PSMC6: variants seen among roughly 807,000 people sequenced by gnomAD.
The protein encoded by PSMC6 is 26S proteasome regulatory subunit 10B.
Under a neutral mutation model 55.9 loss-of-function variants are expected in PSMC6, and 3 were observed. That is an observed-to-expected ratio of 0.05 (90% CI 0.02 to 0.14). The LOEUF is 0.14. Among genes scored for constraint, PSMC6 ranks in the 10% least tolerant of loss-of-function variants. The pLI is 1.00. For missense variants in PSMC6, 210 were observed against 478.7 expected (o/e 0.44, Z 5.24); for synonymous variants, 137 against 155.9 (o/e 0.88, Z 0.90).
At chr14:52,722,640 T>A (rs1880246935) in intron 12 of PSMC6, 1 of 152,142 alleles carries the variant, frequency 6.6e-6, no homozygotes, top group African/African-American at 2.4e-5. Context: ...CTTAGAGATT[T>A]GAGGACAAAG....
intron 5 of PSMC6, 94 bp from the exon 6 acceptor site, chr14:52,711,316 A>G: frequency 7.8e-7 from 1 of 1,287,334 alleles, no homozygotes; most frequent in East Asian, 2.3e-5. Flanking sequence ...GAGATCAGCT[A>G]CAGGTGCTTG....
chr14:52,715,131 TAAA>T (rs11411181), intron 7 of PSMC6, among the ~76,000 whole-genome samples: 2 of 146,574 alleles, frequency 1.4e-5, no homozygotes, highest in Admixed American at 6.8e-5. Flanking sequence ...ACTTGCAGTG[TAAA>T]AAAAAAAAAA....
chr14:52,722,390 TAA>T (rs1270270480), intron 12 of PSMC6: 4 of 150,784 alleles, frequency 2.7e-5, no homozygotes, highest in African/African-American at 9.8e-5. Context: ...TTTTTTTTTT[TAA>T]TAATGCTACT....
At position 52,711,551 on chromosome 14, in the gene PSMC6, A is replaced by C. The variant is rs370283421; in HGVS notation, c.441+27A>C. 1.4e-4 allele frequency: 205 copies of C among 1,459,250 alleles called. 2 individuals are homozygous for C. Among genetic ancestry groups the C allele is most frequent in the Non-Finnish European group, 1.9e-4 (196 of 1,055,272 alleles). 90.4% of individuals were successfully genotyped at this position (1,459,250 alleles called of 1,614,324 possible). On this transcript the variant is annotated intron_variant, in intron 6 of 13. Coordinates refer to ENST00000445930, the MANE Select transcript of PSMC6 (RefSeq NM_002806.5). ...TTGGTACTGTGTGCCTTGTTCTCTGAACTTAGCTAATAAATACTACTAGTT... is the reference window on the plus strand; with the variant it reads ...TTGGTACTGTGTGCCTTGTTCTCTGCACTTAGCTAATAAATACTACTAGTT...
At chr14:52,707,993 G>A (rs1386182423) in intron 1 of PSMC6, among the ~76,000 whole-genome samples, 2 of 152,198 alleles carry the variant, frequency 1.3e-5, no homozygotes, top group Non-Finnish European at 2.9e-5. Flanking sequence ...GGGTCTAAGT[G>A]ATTATCATTC....
intron 12 of PSMC6, chr14:52,722,887 C>G (rs1265870855): frequency 6.6e-6 from 1 of 152,196 alleles, no homozygotes; most frequent in Non-Finnish European, 1.5e-5. Context: ...AGTATTTACT[C>G]TCTGGCCCTT....
Position 52,727,488 on chromosome 14 carries a change from A to G in PSMC6, c.1052-11A>G. On this transcript the variant is annotated splice_polypyrimidine_tract_variant and intron_variant, in intron 13 of 13. Coordinates refer to ENST00000445930, the MANE Select transcript of PSMC6 (RefSeq NM_002806.5). ...TGATATATAGCAGTCATGTTGTTTTATTCTCTACAGGTATGTTCGCAATTC... is the reference window on the plus strand; with the variant it reads ...TGATATATAGCAGTCATGTTGTTTTGTTCTCTACAGGTATGTTCGCAATTC... 1 of 1,577,742 alleles carries G rather than the reference A, an allele frequency of 6.3e-7. No individual in the cohort carries two copies. Among genetic ancestry groups the G allele is most frequent in the Non-Finnish European group, 8.7e-7 (1 of 1,150,076 alleles).
intron 12 of PSMC6, chr14:52,723,561 TTAAAG>T (rs767096916): frequency 8.1e-5 from 13 of 161,200 alleles, no homozygotes; most frequent in Non-Finnish European, 9.4e-5. Flanking sequence ...GCTTGTATGA[TTAAAG>T]TAAACAAAGT....
At position 52,720,853 on chromosome 14, in the gene PSMC6, A is replaced by G. The variant is rs1234190914; in HGVS notation, c.778-8A>G. ...ATTTTTGTAAAATCTGATTCTTAAT[A>G]TTCTTAGTTACTGAATCAAATGGAT... is the stretch of plus-strand genomic sequence containing the variant. On this transcript the variant is annotated splice_region_variant and splice_polypyrimidine_tract_variant and intron_variant, in intron 10 of 13. Coordinates refer to ENST00000445930, the MANE Select transcript of PSMC6 (RefSeq NM_002806.5). 2.5e-6 allele frequency: 4 copies of G among 1,579,300 alleles called. No individual in the cohort carries two copies. In the African/African-American group the frequency reaches 5.4e-5, roughly 21 times the overall value.
rs577115208 is a variant in PSMC6, at chr14:52,728,571, A to G, written c.*954A>G. On this transcript the variant is annotated 3_prime_UTR_variant, in exon 14 of 14. Coordinates refer to ENST00000445930, the MANE Select transcript of PSMC6 (RefSeq NM_002806.5). ...TACATGATTCTTATATCATCTGGCA[A>G]TAAAAGCTATAACAAAGTACACAAA... 9 of 152,362 alleles carry G rather than the reference A, an allele frequency of 5.9e-5. No homozygotes were observed. Among genetic ancestry groups the G allele is most frequent in the African/African-American group, 2.2e-4 (9 of 41,588 alleles). 9.4% of individuals were successfully genotyped at this position (152,362 alleles called of 1,614,324 possible). A position where few individuals can be genotyped will look rare whatever the true frequency, so the allele number is the denominator to read the frequency against.
At chr14:52,721,026 A>C (rs1297920148) in intron 11 of PSMC6, 45 bp downstream of exon 11, 1 of 1,597,144 alleles carries the variant, frequency 6.3e-7, no homozygotes, top group South Asian at 1.1e-5. Context: ...CTTTGTGCCC[A>C]TTTCTTTTTC....
chr14:52,722,241 T>C (rs1302261962), intron 12 of PSMC6: 1 of 152,244 alleles, frequency 6.6e-6, no homozygotes, highest in African/African-American at 2.4e-5. Context: ...TCAGAGAGAT[T>C]GGGAGGAGAG....
rs765478961 is a variant in PSMC6, at chr14:52,708,295, T to A, written c.86-14T>A. 23 of 1,586,626 alleles carry A rather than the reference T, an allele frequency of 1.4e-5. No homozygotes were observed. The highest frequency in any genetic ancestry group is 1.3e-5 in the African/African-American group (1 of 74,228). Reference sequence around the variant, plus strand: ...TACTGTTCAATTAAAAATGTTCAAATTGTATTATTTCAGTAAGGGAACAAT... The same window carrying A: ...TACTGTTCAATTAAAAATGTTCAAAATGTATTATTTCAGTAAGGGAACAAT... On this transcript the variant is annotated splice_polypyrimidine_tract_variant and intron_variant, in intron 1 of 13. Transcript: ENST00000445930.
intron 4 of PSMC6, chr14:52,709,735 G>C: frequency 3.6e-6 from 1 of 281,404 alleles, no homozygotes; most frequent in Non-Finnish European, 7.0e-6. Flanking sequence ...TTAGATTTTG[G>C]CTTTTTTTTT....
At chr14:52,725,375 A>T (rs557946691) in intron 13 of PSMC6, among the ~76,000 whole-genome samples, 4 of 152,332 alleles carry the variant, frequency 2.6e-5, no homozygotes, top group African/African-American at 9.6e-5. Context: ...TAGGTGGGAC[A>T]TTCACATCTG....
intron 4 of PSMC6, chr14:52,709,078 G>T: frequency 3.5e-6 from 1 of 287,468 alleles, no homozygotes; most frequent in Non-Finnish European, 6.4e-6. Context: ...TTTTAGAACT[G>T]GAAAACAGAC....
At position 52,718,078 on chromosome 14, in the gene PSMC6, T is replaced by G. The variant is rs1397428308; in HGVS notation, c.530-3T>G. ...TAATTAAGACTTCTTTTGTCATTCTTAGGTACGGGAAAAACACTCTTGGCA... is the reference window on the plus strand; with the variant it reads ...TAATTAAGACTTCTTTTGTCATTCTGAGGTACGGGAAAAACACTCTTGGCA... On this transcript the variant is annotated splice_region_variant and splice_polypyrimidine_tract_variant and intron_variant, in intron 7 of 13. Transcript: ENST00000445930. 1 of 1,612,446 alleles carries G rather than the reference T, an allele frequency of 6.2e-7. No homozygotes were observed. Among genetic ancestry groups the G allele is most frequent in the East Asian group, 2.2e-5 (1 of 44,900 alleles).
chr14:52,715,538 A>C (rs1286984425), intron 7 of PSMC6, among the ~76,000 whole-genome samples: 2 of 152,182 alleles, frequency 1.3e-5, no homozygotes, highest in Admixed American at 1.3e-4. Context: ...AAAATATGAA[A>C]TGTCAAGTGA....
intron 7 of PSMC6, among the ~76,000 whole-genome samples, chr14:52,716,164 AAGT>A (rs2041828266): frequency 6.6e-6 from 1 of 152,234 alleles, no homozygotes; most frequent in South Asian, 2.1e-4. Flanking sequence ...TCCATGTTGT[AAGT>A]AGATAGCTAT....
Sources: gnomAD v4.1 joint callset for allele counts (sites outside exome capture counted in the v4.1 genomes callset) on GRCh38, gnomAD v4.1.1 for gene constraint, MANE v1.5 for transcripts, NCBI Gene and HGNC (gene_info 2026-07-23, HGNC 2026-07-21) for gene names.